The following ZCCHC4 variants were observed in gnomAD, a reference collection of about 807,000 sequenced individuals.
ZCCHC4 encodes the protein rRNA N(6)-adenosine-methyltransferase ZCCHC4.
Under a neutral mutation model 67.7 loss-of-function variants are expected in ZCCHC4, and 54 were observed. The ratio of observed to expected loss-of-function variants is 0.80; its 90% CI spans 0.64 to 1.00. The LOEUF (loss-of-function observed/expected upper bound fraction) is 1.00. Ranked by LOEUF, ZCCHC4 falls within the 50% of genes least tolerant of loss-of-function variation. ZCCHC4 has a pLI of 0.00. For missense variants in ZCCHC4, 609 were observed against 617.0 expected, an observed-to-expected ratio of 0.99 and a Z score of 0.14; for synonymous variants, 198 against 213.5, an observed-to-expected ratio of 0.93 and a Z score of 0.63.
At chr4:25,324,200 G>T (rs1252377088) in intron 3 of ZCCHC4, among the ~76,000 whole-genome samples, 8 of 150,238 alleles carry the variant, frequency 5.3e-5, no homozygotes, top group African/African-American at 1.7e-4. Flanking sequence ...GTATTTTAGT[G>T]GAGATGAGGT....
Position 25,369,018 on chromosome 4 carries a change from T to C in ZCCHC4, c.1407-11T>C. On this transcript the variant is annotated splice_polypyrimidine_tract_variant and intron_variant, in intron 12 of 12. Coordinates refer to ENST00000302874, the MANE Select transcript of ZCCHC4 (RefSeq NM_024936.3). ...TCATTCTGTGAAATAATTTAGCACC[T>C]TGTTTTCCAGAGCTGTCAGAAAGCA... is the stretch of plus-strand genomic sequence containing the variant. 6.2e-7 allele frequency: 1 copy of C among 1,602,656 alleles called. No homozygotes were observed. Among genetic ancestry groups the C allele is most frequent in the African/African-American group, 1.3e-5 (1 of 74,086 alleles).
intron 2 of ZCCHC4, 30 bp from the exon 3 acceptor site, chr4:25,315,288 T>TTATTCAATG: frequency 6.3e-7 from 1 of 1,579,382 alleles, no homozygotes; most frequent in Non-Finnish European, 8.6e-7. Flanking sequence ...ATTTCACAGT[T>TTATTCAATG]TATTCAATGG....
At chr4:25,340,603 T>C (rs1257541759) in intron 5 of ZCCHC4, among the ~76,000 whole-genome samples, 2 of 152,226 alleles carry the variant, frequency 1.3e-5, no homozygotes, top group African/African-American at 4.8e-5. Flanking sequence ...CATCTTAATA[T>C]TAAGTTGTCC....
chr4:25,333,479 A>C, intron 4 of ZCCHC4, 21 bp downstream of exon 4: 3 of 1,611,198 alleles, frequency 1.9e-6, no homozygotes, highest in Non-Finnish European at 2.5e-6. Flanking sequence ...TGATTTTTTA[A>C]AGAATTATCT....
intron 6 of ZCCHC4, among the ~76,000 whole-genome samples, chr4:25,347,988 G>A (rs1314541238): frequency 6.6e-6 from 1 of 151,772 alleles, no homozygotes; most frequent in Non-Finnish European, 1.5e-5. Flanking sequence ...TGATGCCATT[G>A]ATTCTTACCT....
chr4:25,313,174 G>A (rs543408264), intron 1 of ZCCHC4, among the ~76,000 whole-genome samples: 4 of 152,288 alleles, frequency 2.6e-5, no homozygotes, highest in Admixed American at 1.3e-4. Context: ...GGGGGGAAGG[G>A]GCAGAAAAGT....
chr4:25,330,182 G>C (rs974608774), intron 3 of ZCCHC4, among the ~76,000 whole-genome samples: 1 of 151,924 alleles, frequency 6.6e-6, no homozygotes, highest in Admixed American at 6.6e-5. Flanking sequence ...GTAGAGACAG[G>C]GTTTCACCAT....
Position 25,369,082 on chromosome 4 carries a change from C to T in ZCCHC4, c.1460C>T (p.Thr487Met), listed in dbSNP as rs543365219. The T allele has an allele frequency of 4.9e-5, 79 of 1,613,392 alleles. No individual in the cohort carries two copies. Among genetic ancestry groups the T allele is most frequent in the Non-Finnish European group, 4.2e-5 (50 of 1,179,862 alleles). The change falls in exon 13 of 13, where the codon ACG becomes ATG. Residue 487 changes from threonine (T) to methionine (M), a missense_variant. By Grantham distance (81) the Thr-to-Met change is moderately conservative. Transcript: ENST00000302874. ...AGTAATAAGATGAAAATGGAGACCA[C>T]GAAAGGACAATCCATGAATCATACA... ...RKSNKMKMET[T>M]KGQSMNHTSA...
chr4:25,337,664 A>G (rs1261585613), intron 5 of ZCCHC4, among the ~76,000 whole-genome samples: 1 of 152,226 alleles, frequency 6.6e-6, no homozygotes, highest in Non-Finnish European at 1.5e-5. Flanking sequence ...CTGGAGAGAC[A>G]AAAAACCAGA....
intron 3 of ZCCHC4, among the ~76,000 whole-genome samples, chr4:25,317,704 CAAAAAAAAAAA>C: frequency 1.4e-5 from 1 of 72,356 alleles, no homozygotes; most frequent in South Asian, 5.7e-4. Context: ...GACGCTGTCA[CAAAAAAAAAAA>C]AAAAAAAAAA....
chr4:25,321,661 C>T (rs1050669872), intron 3 of ZCCHC4, among the ~76,000 whole-genome samples: 11 of 152,096 alleles, frequency 7.2e-5, no homozygotes, highest in South Asian at 2.1e-4. Flanking sequence ...GTGTGTGCCA[C>T]GGCGCCTGGC....
At position 25,365,309 on chromosome 4, in the gene ZCCHC4, T is replaced by C; in HGVS notation, c.1406+143T>C. On this transcript the variant is annotated intron_variant, in intron 12 of 12. Transcript: ENST00000302874. ...ATTAAGTACTGGCTGCATAGATGGATGGAGGGAGGAGAGGAAGATGATTCA... is the reference window on the plus strand; with the variant it reads ...ATTAAGTACTGGCTGCATAGATGGACGGAGGGAGGAGAGGAAGATGATTCA... 3 of 1,433,750 alleles carry C rather than the reference T, an allele frequency of 2.1e-6. No individual in the cohort carries two copies. The East Asian group carries it at 7.5e-5, about 36-fold the overall frequency. The allele number at this position is 1,433,750 out of a possible 1,614,324, so 88.8% of individuals were successfully genotyped here.
chr4:25,359,162 C>T lies in ZCCHC4; in HGVS notation c.1012-2697C>T, dbSNP rs568842580. On this transcript the variant is annotated intron_variant, in intron 8 of 12. Transcript: ENST00000302874. The surrounding 1 kb of genome is among the most constrained non-coding windows in gnomAD (Gnocchi z 4.9). The stretch of plus-strand genomic sequence containing the variant: ...GAAACCTGGGCAGCAGTAGATGGGT[C>T]CCCCGCAAGCATGGAGAAGGTACTG... Among the ~76,000 whole-genome samples, 493 of 152,232 alleles carry T rather than the reference C, an allele frequency of 3.2e-3. 1 individual carries two copies. The highest frequency in any genetic ancestry group is 0.011 in the African/African-American group (477 of 41,520).
chr4:25,362,041 ATCAG>A, intron 9 of ZCCHC4, 61 bp downstream of exon 9: 1 of 1,561,328 alleles, frequency 6.4e-7, no homozygotes, highest in Non-Finnish European at 8.7e-7. Flanking sequence ...ACATATATCC[ATCAG>A]TCAAATGCTT....
chr4:25,369,976 A>G lies in ZCCHC4; in HGVS notation c.*812A>G, dbSNP rs1411279306. 2 of 152,184 alleles carry G rather than the reference A, an allele frequency of 1.3e-5. No homozygotes were observed. Among genetic ancestry groups the G allele is most frequent in the African/African-American group, 4.8e-5 (2 of 41,454 alleles). 9.4% of individuals were successfully genotyped at this position (152,184 alleles called of 1,614,324 possible). The stretch of plus-strand genomic sequence containing the variant: ...TGAAGATGATGGAAAGGGTTTTTAC[A>G]AAGGCACTGTTTAGATATACAGATT... On this transcript the variant is annotated 3_prime_UTR_variant, in exon 13 of 13. Coordinates refer to ENST00000302874, the MANE Select transcript of ZCCHC4 (RefSeq NM_024936.3).
chr4:25,333,321 G>A lies in ZCCHC4; in HGVS notation c.468G>A (p.Arg156=), dbSNP rs757996335. 8 of 1,613,964 alleles carry A rather than the reference G, an allele frequency of 5.0e-6. No homozygotes were observed. Among genetic ancestry groups the A allele is most frequent in the Non-Finnish European group, 6.8e-6 (8 of 1,180,018 alleles). ...ATGTGTCCATTACCCAGTTAAGAAG[G>A]CCCAGTCAACTCCTTTATCCACTGG... The part of the protein sequence containing the change: ...LGNVSITQLR[R]PSQLLYPLEN... Residue 156 remains arginine, a synonymous_variant, in exon 4 of 13, where the codon AGG becomes AGA. Transcript: ENST00000302874.
intron 2 of ZCCHC4, among the ~76,000 whole-genome samples, chr4:25,314,430 C>T (rs187261650): frequency 3.3e-5 from 5 of 152,316 alleles, no homozygotes; most frequent in African/African-American, 9.6e-5. Flanking sequence ...TGTGTGTTAG[C>T]TTGGGCTTCT....
Position 25,315,380 on chromosome 4 carries a change from C to G in ZCCHC4, c.309C>G (p.Ser103=). ...ACCGAAGATGTCAGCCTCCCCTGTCCCGAACGCAGTGTGTGGAAAGGTACT... is the reference window on the plus strand; with the variant it reads ...ACCGAAGATGTCAGCCTCCCCTGTCGCGAACGCAGTGTGTGGAAAGGTACT... ...AHNRRCQPPL[S]RTQCVERYLK... The change falls in exon 3 of 13, where the codon TCC becomes TCG. Residue 103 remains serine, a synonymous_variant. Transcript: ENST00000302874. 1 of 1,612,682 alleles carries G rather than the reference C, an allele frequency of 6.2e-7. No homozygotes were observed. Among genetic ancestry groups the G allele is most frequent in the Non-Finnish European group, 8.5e-7 (1 of 1,179,256 alleles).
intron 5 of ZCCHC4, among the ~76,000 whole-genome samples, chr4:25,344,286 TA>T (rs1272556233): frequency 1.3e-5 from 2 of 151,850 alleles, no homozygotes; most frequent in Admixed American, 6.6e-5. Context: ...TATGCAGCCA[TA>T]AAAAATGATG....
Sources: allele counts gnomAD v4.1 joint callset (sites outside exome capture counted in the v4.1 genomes callset), GRCh38; gene constraint gnomAD v4.1.1; non-coding constraint Gnocchi (gnomAD v3.1); transcripts MANE v1.5; gene names NCBI Gene and HGNC (gene_info 2026-07-23, HGNC 2026-07-21).